The following PDZRN4 variants were observed in gnomAD, a reference collection of about 807,000 sequenced individuals.
PDZRN4 encodes PDZ domain containing ring finger 4, also known as PDZ domain-containing RING finger protein 4.
In PDZRN4, 70 loss-of-function variants were observed where a neutral mutation model predicts 99.0. The ratio of observed to expected loss-of-function variants is 0.71; its 90% confidence interval spans 0.58 to 0.86. PDZRN4 has a LOEUF of 0.86. PDZRN4 is among the 40% of genes least tolerant of loss of function. The pLI is 0.00. For missense variants in PDZRN4, 1,474 were observed against 1,331.2 expected (o/e 1.11, Z -1.67); for synonymous variants, 551 against 501.6 (o/e 1.10, Z -1.32).
At chr12:41,298,055 G>T (rs1951507603) in intron 3 of PDZRN4, among the ~76,000 whole-genome samples, 2 of 152,054 alleles carry the variant, frequency 1.3e-5, no homozygotes, top group African/African-American at 4.8e-5. Context: ...TTCCTAGTCT[G>T]TCCTACAGAA....
chr12:41,295,316 C>T (rs898070036), intron 3 of PDZRN4, among the ~76,000 whole-genome samples: 1 of 152,050 alleles, frequency 6.6e-6, no homozygotes, highest in African/African-American at 2.4e-5. Flanking sequence ...AAAGAGTTCC[C>T]ATATTGTCAT....
At chr12:41,249,130 T>TAC (rs1258822485) in intron 3 of PDZRN4, among the ~76,000 whole-genome samples, 1 of 152,180 alleles carries the variant, frequency 6.6e-6, no homozygotes, top group Non-Finnish European at 1.5e-5. Flanking sequence ...CACACACATA[T>TAC]ACACACACAG....
At chr12:41,269,367 T>A (rs1233267132) in intron 3 of PDZRN4, among the ~76,000 whole-genome samples, 1 of 152,176 alleles carries the variant, frequency 6.6e-6, no homozygotes, top group Non-Finnish European at 1.5e-5. Context: ...GTTGATACTA[T>A]TTAAGCTGGA....
At chr12:41,386,809 GAAGT>G (rs1952173927) in intron 3 of PDZRN4, among the ~76,000 whole-genome samples, 1 of 152,056 alleles carries the variant, frequency 6.6e-6, no homozygotes, top group African/African-American at 2.4e-5. Flanking sequence ...AGAAAACCCA[GAAGT>G]AAGACTGCAC....
At chr12:41,487,249 TA>T (rs1422522942) in intron 3 of PDZRN4, among the ~76,000 whole-genome samples, 1 of 98,050 alleles carries the variant, frequency 1.0e-5, no homozygotes, top group East Asian at 2.6e-4. Flanking sequence ...TGGTGCCCAA[TA>T]ATTTTTTTTT....
At chr12:41,366,837 G>T (rs11180854) in intron 3 of PDZRN4, among the ~76,000 whole-genome samples, 1 of 152,022 alleles carries the variant, frequency 6.6e-6, no homozygotes, top group Admixed American at 6.6e-5. Context: ...AGGAAATTGC[G>T]AATTGCATTT....
At chr12:41,443,212 A>C (rs545242868) in intron 3 of PDZRN4, among the ~76,000 whole-genome samples, 1 of 152,238 alleles carries the variant, frequency 6.6e-6, no homozygotes, top group East Asian at 1.9e-4. Flanking sequence ...CCTGGTAAAT[A>C]TTGAGTCAAC....
chr12:41,472,944 A>G (rs892113895), intron 3 of PDZRN4, among the ~76,000 whole-genome samples: 8 of 152,242 alleles, frequency 5.3e-5, no homozygotes, highest in African/African-American at 1.9e-4. Flanking sequence ...AGGTTTTTAC[A>G]TAATAATCTT....
chr12:41,545,351 A>G (rs1023664261), intron 5 of PDZRN4, among the ~76,000 whole-genome samples: 2 of 152,116 alleles, frequency 1.3e-5, no homozygotes, highest in Non-Finnish European at 2.9e-5. Flanking sequence ...TGCATGGTCA[A>G]TGTTTCTCTG....
chr12:41,477,009 AT>A (rs1242100226), intron 3 of PDZRN4, among the ~76,000 whole-genome samples: 1 of 152,198 alleles, frequency 6.6e-6, no homozygotes, highest in East Asian at 1.9e-4. Flanking sequence ...TACAAAAGTC[AT>A]TTTGCATGAG....
intron 1 of PDZRN4, among the ~76,000 whole-genome samples, chr12:41,190,584 T>G (rs1818282733): frequency 6.6e-6 from 1 of 152,216 alleles, no homozygotes; most frequent in Admixed American, 6.5e-5. Context: ...TCCTCAGAAG[T>G]GTTTTTCTAC....
At chr12:41,370,348 C>A (rs1952031895) in intron 3 of PDZRN4, among the ~76,000 whole-genome samples, 1 of 151,908 alleles carries the variant, frequency 6.6e-6, no homozygotes. Context: ...AATAAATTAG[C>A]CAATAATAAA....
At position 41,552,676 on chromosome 12, in the gene PDZRN4, T is replaced by C; in HGVS notation, c.1224T>C (p.Val408=). 6.2e-7 allele frequency: 1 copy of C among 1,613,740 alleles called. No homozygotes were observed. The highest frequency in any genetic ancestry group is 1.1e-5 in the South Asian group (1 of 91,076). The change falls in exon 6 of 10, where the codon GTT becomes GTC. Residue 408 remains valine, a synonymous_variant. Transcript: ENST00000402685. The part of the protein sequence containing the change: ...FEYEEVELCR[V]SSQEKLGLTV... ...TTCAGGAGGTCGAGTTGTGTCGTGT[T>C]AGCAGTCAAGAGAAGCTGGGCCTGA...
At position 41,506,511 on chromosome 12, in the gene PDZRN4, G is replaced by A. The variant is rs776841103; in HGVS notation, c.899G>A (p.Arg300His). Residue 300 changes from arginine to histidine, a missense_variant, in exon 4 of 10, where the codon CGC becomes CAC. Physicochemically the swap from Arg to His is conservative, Grantham distance 29. Transcript: ENST00000402685. ...CATGAAGAGGCAGTGGAAGCTTTTCGCAATGCCAAGGAGCCCATTGTGGTG... is the reference window on the plus strand; with the variant it reads ...CATGAAGAGGCAGTGGAAGCTTTTCACAATGCCAAGGAGCCCATTGTGGTG... ...ATHEEAVEAF[R>H]NAKEPIVVQV... 3.6e-5 allele frequency: 58 copies of A among 1,613,468 alleles called. No homozygotes were observed. The highest frequency in any genetic ancestry group is 4.0e-5 in the African/African-American group (3 of 74,860).
At chr12:41,222,771 C>A (rs539654068) in intron 3 of PDZRN4, among the ~76,000 whole-genome samples, 1 of 152,010 alleles carries the variant, frequency 6.6e-6, no homozygotes, top group African/African-American at 2.4e-5. Flanking sequence ...GTGATCCACC[C>A]GCCTCAGCCT....
At chr12:41,261,304 C>A (rs1334988710) in intron 3 of PDZRN4, among the ~76,000 whole-genome samples, 1 of 152,120 alleles carries the variant, frequency 6.6e-6, no homozygotes, top group African/African-American at 2.4e-5. Context: ...TTACAAATTT[C>A]TTTAAAATAT....
intron 3 of PDZRN4, chr12:41,412,172 G>A (rs982155911): frequency 1.8e-4 from 27 of 152,136 alleles, no homozygotes; most frequent in African/African-American, 6.5e-4. Context: ...TATATGTAAT[G>A]TAGCAGTCGT....
chr12:41,250,525 C>T (rs1424963176), intron 3 of PDZRN4, among the ~76,000 whole-genome samples: 7 of 152,190 alleles, frequency 4.6e-5, no homozygotes, highest in African/African-American at 1.7e-4. Flanking sequence ...CCTTTTAGTC[C>T]ATCCCTAAAT....
rs141034439 is a variant in PDZRN4, at chr12:41,332,848, G to A, written c.843+138660G>A. Among the ~76,000 whole-genome samples, 1,472 of 151,302 alleles carry A rather than the reference G, an allele frequency of 9.7e-3. 21 individuals carry two copies. Among genetic ancestry groups the A allele is most frequent in the African/African-American group, 0.033 (1,347 of 41,264 alleles). ...TCCTTGATCTGAAGTATGTGGAACT[G>A]CAATGACAATAACAACAAAATAGCT... is the stretch of plus-strand genomic sequence containing the variant. On this transcript the variant is annotated intron_variant, in intron 3 of 9. Coordinates refer to ENST00000402685, the MANE Select transcript of PDZRN4 (RefSeq NM_001164595.2).
Sources: allele counts gnomAD v4.1 joint callset (sites outside exome capture counted in the v4.1 genomes callset), GRCh38; gene constraint gnomAD v4.1.1; transcripts MANE v1.5; gene names NCBI Gene and HGNC (gene_info 2026-07-23, HGNC 2026-07-21).